The following TTC8 variants were observed in gnomAD, a reference collection of about 807,000 sequenced individuals.
The protein encoded by TTC8 is tetratricopeptide repeat protein 8.
In TTC8, 47 loss-of-function variants were observed where a neutral mutation model predicts 72.5. That is an observed-to-expected ratio of 0.65 (90% CI 0.51 to 0.83). The LOEUF (loss-of-function observed/expected upper bound fraction) is 0.83. TTC8 is among the 40% of genes least tolerant of loss of function. TTC8 has a pLI of 0.00. For missense variants in TTC8, 611 were observed against 623.2 expected (o/e 0.98, Z 0.21); for synonymous variants, 199 against 221.4 (o/e 0.90, Z 0.90).
chr14:88,856,277 A>G (rs1169047341), intron 8 of TTC8, among the ~76,000 whole-genome samples: 4 of 152,182 alleles, frequency 2.6e-5, no homozygotes, highest in Non-Finnish European at 4.4e-5. Context: ...AAGGCCTCCA[A>G]TAGCTATTTG....
chr14:88,835,366 A>G (rs2094745868), intron 2 of TTC8, among the ~76,000 whole-genome samples: 2 of 152,206 alleles, frequency 1.3e-5, no homozygotes, highest in African/African-American at 2.4e-5. Context: ...GAGTGAGTCA[A>G]TATTTTCCTG....
chr14:88,838,954 C>T (rs1312952932), intron 2 of TTC8, among the ~76,000 whole-genome samples: 1 of 151,918 alleles, frequency 6.6e-6, no homozygotes, highest in Non-Finnish European at 1.5e-5. Context: ...TAAAAGTTTG[C>T]TAGAGTGTTT....
chr14:88,843,485 C>T (rs2094791780), intron 6 of TTC8, among the ~76,000 whole-genome samples: 1 of 152,080 alleles, frequency 6.6e-6, no homozygotes, highest in Non-Finnish European at 1.5e-5. Flanking sequence ...ATCATAATCA[C>T]TGTATAATAT....
At chr14:88,854,266 A>G (rs1456233281) in intron 8 of TTC8, among the ~76,000 whole-genome samples, 1 of 152,232 alleles carries the variant, frequency 6.6e-6, no homozygotes. Context: ...TTTGCCATCC[A>G]TATACGATGG....
At position 88,871,048 on chromosome 14, in the gene TTC8, G is replaced by A. The variant is rs1435450708; in HGVS notation, c.1050-501G>A. On this transcript the variant is annotated intron_variant, in intron 11 of 14. Transcript: ENST00000380656. This position sits in a 1 kb window ranked among gnomAD's most constrained non-coding sequence, Gnocchi z 4.1. The stretch of plus-strand genomic sequence containing the variant: ...AGCTAAGTGGATAATGTAAGGATCC[G>A]CTGATGGTCTTGTCTTCCTCAGTGG... 1.3e-5 allele frequency among the ~76,000 whole-genome samples: 2 copies of A among 152,222 alleles called. No individual in the cohort carries two copies. Among genetic ancestry groups the A allele is most frequent in the African/African-American group, 4.8e-5 (2 of 41,446 alleles).
intron 9 of TTC8, among the ~76,000 whole-genome samples, chr14:88,859,720 C>T (rs1017828750): frequency 2.0e-5 from 3 of 150,230 alleles, no homozygotes; most frequent in Admixed American, 6.7e-5. Context: ...TCCTGGAGTT[C>T]GAGACCAGCC....
chr14:88,840,321 G>C (rs1374661148), intron 3 of TTC8: 1 of 158,534 alleles, frequency 6.3e-6, no homozygotes, highest in Non-Finnish European at 1.4e-5. Context: ...GGTAATTATA[G>C]TTCTCAGTCA....
At chr14:88,863,398 G>T (rs1176508203) in intron 10 of TTC8, among the ~76,000 whole-genome samples, 1 of 152,162 alleles carries the variant, frequency 6.6e-6, no homozygotes, top group Non-Finnish European at 1.5e-5. Context: ...AGTCACACAG[G>T]ACACACTTAA....
chr14:88,844,586 C>T (rs2094797230), intron 7 of TTC8, among the ~76,000 whole-genome samples: 1 of 151,768 alleles, frequency 6.6e-6, no homozygotes, highest in Admixed American at 6.6e-5. Context: ...ACTCTGTCAC[C>T]CAGGCTGGAA....
chr14:88,855,637 T>C (rs1034050187), intron 8 of TTC8, among the ~76,000 whole-genome samples: 7 of 152,232 alleles, frequency 4.6e-5, no homozygotes, highest in Non-Finnish European at 8.8e-5. Flanking sequence ...TCTATTTCTG[T>C]TTTCATATTC....
intron 1 of TTC8, among the ~76,000 whole-genome samples, chr14:88,831,321 C>T (rs2094724970): frequency 6.6e-6 from 1 of 152,186 alleles, no homozygotes; most frequent in Non-Finnish European, 1.5e-5. Flanking sequence ...TGCATTGGCC[C>T]ACCCCTTAAT....
downstream of TTC8, chr14:88,879,038 G>A (rs2094966323): frequency 6.6e-6 from 1 of 152,164 alleles, no homozygotes; most frequent in Admixed American, 6.5e-5. Context: ...CATTTAAAAT[G>A]AACATTGTGT....
At chr14:88,866,411 A>G (rs1475258381) in intron 10 of TTC8, among the ~76,000 whole-genome samples, 7 of 149,496 alleles carry the variant, frequency 4.7e-5, no homozygotes, top group South Asian at 2.1e-4. Context: ...ACACACACAC[A>G]CACGCACACA....
At chr14:88,833,773 A>G (rs773429086) in intron 2 of TTC8, 51 bp downstream of exon 2, 1 of 1,551,168 alleles carries the variant, frequency 6.4e-7, no homozygotes, top group Non-Finnish European at 8.9e-7. Context: ...CTTTAATGCT[A>G]TTGCTTAGTT....
chr14:88,869,881 G>A (rs2094926486), intron 10 of TTC8, among the ~76,000 whole-genome samples, 178 bp from the exon 11 acceptor site: 1 of 152,114 alleles, frequency 6.6e-6, no homozygotes, highest in Non-Finnish European at 1.5e-5. Context: ...TCACCTCCCT[G>A]AGGACAGTGA....
At chr14:88,865,043 T>C (rs1025939057) in intron 10 of TTC8, among the ~76,000 whole-genome samples, 1 of 152,252 alleles carries the variant, frequency 6.6e-6, no homozygotes, top group Non-Finnish European at 1.5e-5. Flanking sequence ...CTGCTTATTG[T>C]TCATTGTTTA....
intron 9 of TTC8, 131 bp from the exon 10 acceptor site, chr14:88,861,091 A>G: frequency 1.4e-6 from 1 of 718,166 alleles, no homozygotes; most frequent in Non-Finnish European, 2.3e-6. Flanking sequence ...GGTGTGAGCC[A>G]CCACACCCGG....
chr14:88,854,799 C>T (rs2094848842), intron 8 of TTC8, among the ~76,000 whole-genome samples: 1 of 152,174 alleles, frequency 6.6e-6, no homozygotes, highest in Admixed American at 6.5e-5. Context: ...CATCCTGCTT[C>T]AGTCTCCCAA....
rs758995372 is a variant in TTC8, at chr14:88,871,726, A to G, written c.1224+3A>G. On this transcript the variant is annotated splice_donor_region_variant and intron_variant, in intron 12 of 14. Transcript: ENST00000380656. The surrounding 1 kb of genome is among the most constrained non-coding windows in gnomAD (Gnocchi z 4.1). Reference sequence around the variant, plus strand: ...ACAACTTGGGACATGTAGCTGTGGTATGTTGTCTTACTGATATAATTTCTG... The same window carrying G: ...ACAACTTGGGACATGTAGCTGTGGTGTGTTGTCTTACTGATATAATTTCTG... 6 of 1,614,038 alleles carry G rather than the reference A, an allele frequency of 3.7e-6. No individual in the cohort carries two copies. In the South Asian group the frequency reaches 5.5e-5, roughly 15 times the overall value.
Sources: allele counts gnomAD v4.1 joint callset (sites outside exome capture counted in the v4.1 genomes callset), GRCh38; gene constraint gnomAD v4.1.1; non-coding constraint Gnocchi (gnomAD v3.1); transcripts MANE v1.5; gene names NCBI Gene and HGNC (gene_info 2026-07-23, HGNC 2026-07-21).